ME3: variants seen among roughly 807,000 people sequenced by gnomAD.
The protein encoded by ME3 is malic enzyme 3, also known as NADP-dependent malic enzyme, mitochondrial.
ME3 carries 48 observed loss-of-function variants against 68.9 expected under a neutral mutation model. The observed-to-expected ratio is 0.70, with a 90% CI of 0.55 to 0.89. ME3 has a LOEUF of 0.89. Ranked by LOEUF, ME3 falls within the 40% of genes least tolerant of loss-of-function variation. The pLI, the probability that ME3 is intolerant of heterozygous loss-of-function variation, is 0.00. For synonymous variants in ME3, 320 were observed against 318.8 expected (o/e 1.00, Z -0.04); for missense variants, 675 against 797.4 (o/e 0.85, Z 1.85).
At chr11:86,632,486 C>G (rs1257789019) in intron 2 of ME3, among the ~76,000 whole-genome samples, 2 of 152,186 alleles carry the variant, frequency 1.3e-5, no homozygotes, top group African/African-American at 4.8e-5. Context: ...CTGAAAAGAA[C>G]ATGGACTTGG....
At chr11:86,649,446 A>AT (rs1945251706) in intron 2 of ME3, among the ~76,000 whole-genome samples, 1 of 152,326 alleles carries the variant, frequency 6.6e-6, no homozygotes, top group East Asian at 1.9e-4. Context: ...TCAACATAAT[A>AT]TTGACAGTTC....
rs146171486 is a variant in ME3 at position 86,606,654 on chromosome 11, A to G, written c.184-46831T>C. ...TGTTCTTACATGGGCATAATGGGAA[A>G]ATCCTTCATTGCATACTGGGAAGTG... On this transcript the variant is annotated intron_variant, in intron 2 of 14. Coordinates refer to ENST00000543262, the Ensembl canonical transcript of ME3. Among the ~76,000 whole-genome samples, 6 of 152,296 alleles carry G rather than the reference A, an allele frequency of 3.9e-5. No homozygotes were observed. In the East Asian group the frequency reaches 9.6e-4, roughly 24 times the overall value.
At chr11:86,656,590 G>T (rs1945890938) in intron 2 of ME3, among the ~76,000 whole-genome samples, 1 of 138,110 alleles carries the variant, frequency 7.2e-6, no homozygotes, top group Admixed American at 7.5e-5. Flanking sequence ...ACACACCAAG[G>T]CCTGTTTTGG....
At chr11:86,510,949 A>C (rs575370487) in intron 4 of ME3, among the ~76,000 whole-genome samples, 1 of 152,332 alleles carries the variant, frequency 6.6e-6, no homozygotes. Flanking sequence ...TCCCTTTCTC[A>C]GTGAATATTT....
chr11:86,665,011 C>T (rs116352095), intron 2 of ME3, among the ~76,000 whole-genome samples: 1 of 152,028 alleles, frequency 6.6e-6, no homozygotes, highest in Non-Finnish European at 1.5e-5. Context: ...GGACACTGGG[C>T]GATGAGAGTC....
At chr11:86,624,659 G>A (rs974787857) in intron 2 of ME3, among the ~76,000 whole-genome samples, 1 of 152,186 alleles carries the variant, frequency 6.6e-6, no homozygotes, top group African/African-American at 2.4e-5. Flanking sequence ...TGAGTGATTC[G>A]ATTTTATTAG....
intron 2 of ME3, among the ~76,000 whole-genome samples, chr11:86,615,116 C>T (rs923596468): frequency 1.3e-5 from 2 of 152,036 alleles, no homozygotes; most frequent in Non-Finnish European, 2.9e-5. Context: ...TTTCAGAAAT[C>T]AAAACAGGAA....
chr11:86,535,511 T>G (rs1056958822), intron 4 of ME3, among the ~76,000 whole-genome samples: 2 of 152,212 alleles, frequency 1.3e-5, no homozygotes, highest in African/African-American at 4.8e-5. Flanking sequence ...GCTGATAGGC[T>G]GGATTTGGGG....
At chr11:86,656,777 A>C (rs1945910382) in intron 2 of ME3, among the ~76,000 whole-genome samples, 1 of 152,192 alleles carries the variant, frequency 6.6e-6, no homozygotes, top group South Asian at 2.1e-4. Context: ...GAGAAAAGCA[A>C]ATAACCCCAT....
chr11:86,637,924 T>A (rs1028077949), intron 2 of ME3, among the ~76,000 whole-genome samples: 2 of 150,200 alleles, frequency 1.3e-5, no homozygotes, highest in Non-Finnish European at 3.0e-5. Flanking sequence ...ATCTATGAAT[T>A]TGTGCAAATA....
chr11:86,535,946 G>T (rs891117497), intron 4 of ME3, among the ~76,000 whole-genome samples: 2 of 152,148 alleles, frequency 1.3e-5, no homozygotes, highest in African/African-American at 4.8e-5. Context: ...TGTGCTAGCT[G>T]CTGGGTATAA....
At chr11:86,597,771 C>G (rs1959768916) in intron 2 of ME3, among the ~76,000 whole-genome samples, 1 of 152,036 alleles carries the variant, frequency 6.6e-6, no homozygotes. Flanking sequence ...AACATGTGAC[C>G]AAAGTGGTTG....
At chr11:86,454,378 G>A (rs1305473360) in intron 8 of ME3, among the ~76,000 whole-genome samples, 2 of 152,188 alleles carry the variant, frequency 1.3e-5, no homozygotes. Flanking sequence ...TTATAATACA[G>A]AATGCCTGGA....
chr11:86,472,279 C>T (rs868051907), intron 7 of ME3, among the ~76,000 whole-genome samples: 4 of 152,292 alleles, frequency 2.6e-5, no homozygotes, highest in Middle Eastern at 6.8e-3. Context: ...GGAGCCACCC[C>T]TTTCATGCCC....
At chr11:86,521,417 AC>A (rs1439408460) in intron 4 of ME3, among the ~76,000 whole-genome samples, 5,931 of 122,412 alleles carry the variant, frequency 0.048, 218 homozygotes, top group South Asian at 0.077. Context: ...ACAAAACAAA[AC>A]AAAACAAAAC....
intron 4 of ME3, among the ~76,000 whole-genome samples, chr11:86,546,736 A>G (rs527385360): frequency 5.9e-5 from 9 of 152,214 alleles, no homozygotes; most frequent in African/African-American, 1.9e-4. Context: ...AATTTGTTCA[A>G]CCATTGTGGA....
intron 2 of ME3, among the ~76,000 whole-genome samples, chr11:86,592,385 T>A (rs963836212): frequency 6.6e-6 from 1 of 152,220 alleles, no homozygotes; most frequent in Non-Finnish European, 1.5e-5. Context: ...CTCAAATGAC[T>A]ATTGAGCTTT....
chr11:86,601,185 A>G (rs1960585122), intron 2 of ME3, among the ~76,000 whole-genome samples: 1 of 151,822 alleles, frequency 6.6e-6, no homozygotes, highest in Non-Finnish European at 1.5e-5. Flanking sequence ...GAAAGGATCA[A>G]CAAAATTGAT....
chr11:86,480,155 A>G (rs976783091), intron 7 of ME3, among the ~76,000 whole-genome samples: 2 of 152,310 alleles, frequency 1.3e-5, no homozygotes, highest in Non-Finnish European at 2.9e-5. Context: ...ATCTCATTAC[A>G]GTGCCTAGTA....
Sources: gnomAD v4.1 joint callset for allele counts (sites outside exome capture counted in the v4.1 genomes callset) on GRCh38, gnomAD v4.1.1 for gene constraint, MANE v1.5 for transcripts, NCBI Gene and HGNC (gene_info 2026-07-23, HGNC 2026-07-21) for gene names.